The following ATG5 variants were observed in gnomAD, a reference collection of about 807,000 sequenced individuals.
ATG5 encodes autophagy protein 5.
A neutral mutation model predicts 36.5 loss-of-function variants in ATG5; 14 were observed. That is an observed-to-expected ratio of 0.38 (90% CI 0.25 to 0.60). ATG5 has a LOEUF of 0.60. Ranked by LOEUF, ATG5 falls within the 20% of genes least tolerant of loss-of-function variation. ATG5 has a pLI of 0.60. For synonymous variants in ATG5, 95 were observed against 101.5 expected, an observed-to-expected ratio of 0.94 and a Z score of 0.38; for missense variants, 195 against 326.7, an observed-to-expected ratio of 0.60 and a Z score of 3.11.
chr6:106,276,937 G>A lies in ATG5; in HGVS notation c.478+2724C>T, dbSNP rs531912241. 7.4e-4 allele frequency among the ~76,000 whole-genome samples: 112 copies of A among 152,212 alleles called. 1 individual carries two copies. The highest frequency in any genetic ancestry group is 7.1e-3 in the Admixed American group (109 of 15,286). On this transcript the variant is annotated intron_variant, in intron 5 of 7. Coordinates refer to ENST00000369076, the MANE Select transcript of ATG5 (RefSeq NM_004849.4). ...GAACTCAGTAATAAAAATGTGGTAC[G>A]GGGCCTAGTGCTTAACTTTGCAAAG...
At chr6:106,276,838 T>C (rs1488501524) in intron 5 of ATG5, among the ~76,000 whole-genome samples, 1 of 152,218 alleles carries the variant, frequency 6.6e-6, no homozygotes, top group Non-Finnish European at 1.5e-5. Flanking sequence ...AATCTTCAAA[T>C]CACCAGCAAG....
chr6:106,264,974 C>T (rs1333841847), intron 5 of ATG5, among the ~76,000 whole-genome samples: 1 of 152,020 alleles, frequency 6.6e-6, no homozygotes, highest in Non-Finnish European at 1.5e-5. Flanking sequence ...ATGGCAGGAT[C>T]AAATTCACAC....
intron 5 of ATG5, among the ~76,000 whole-genome samples, chr6:106,250,609 T>G (rs1420764155): frequency 2.6e-5 from 4 of 152,216 alleles, no homozygotes; most frequent in African/African-American, 9.6e-5. Context: ...AAAAAGTGTC[T>G]TTCTACCATC....
At chr6:106,207,066 A>G (rs1776663005) in intron 6 of ATG5, among the ~76,000 whole-genome samples, 1 of 152,234 alleles carries the variant, frequency 6.6e-6, no homozygotes, top group Non-Finnish European at 1.5e-5. Flanking sequence ...GTATTTCAAT[A>G]ACTTCCAAGA....
chr6:106,194,431 T>C (rs1003336728), intron 7 of ATG5, among the ~76,000 whole-genome samples: 11 of 152,198 alleles, frequency 7.2e-5, no homozygotes, highest in African/African-American at 2.4e-4. Flanking sequence ...AACTGCTTCA[T>C]GTCTGAAAAA....
In ATG5 at chr6:106,259,611, G is replaced by T. The variant is rs560040773; in HGVS notation, c.479-11367C>A. 4.3e-3 allele frequency among the ~76,000 whole-genome samples: 650 copies of T among 152,076 alleles called. 7 individuals are homozygous for T. Among genetic ancestry groups the T allele is most frequent in the Admixed American group, 8.3e-3 (127 of 15,274 alleles). ...TTCCTATATTTCCCTTCATCACCTT[G>T]TCTCTTCTGCTCCTTTCTTACATTC... is the stretch of plus-strand genomic sequence containing the variant. On this transcript the variant is annotated intron_variant, in intron 5 of 7. Coordinates refer to ENST00000369076, the MANE Select transcript of ATG5 (RefSeq NM_004849.4).
intron 1 of ATG5, among the ~76,000 whole-genome samples, chr6:106,322,152 G>A (rs1451266093): frequency 6.6e-6 from 1 of 152,060 alleles, no homozygotes; most frequent in Non-Finnish European, 1.5e-5. Flanking sequence ...TTGAGGGCAG[G>A]GGCTATTATT....
intron 5 of ATG5, among the ~76,000 whole-genome samples, chr6:106,274,351 C>T (rs941470833): frequency 6.6e-6 from 1 of 151,828 alleles, no homozygotes; most frequent in Non-Finnish European, 1.5e-5. Flanking sequence ...ATAAAAAAAA[C>T]ACTGAAAGGC....
chr6:106,254,359 G>C (rs1769981), intron 5 of ATG5, among the ~76,000 whole-genome samples: 3 of 152,052 alleles, frequency 2.0e-5, no homozygotes, highest in African/African-American at 7.3e-5. Flanking sequence ...CAACCAAAAT[G>C]TAAGTCCCAT....
At chr6:106,237,052 T>C (rs865889933) in intron 6 of ATG5, among the ~76,000 whole-genome samples, 5 of 152,188 alleles carry the variant, frequency 3.3e-5, no homozygotes, top group Non-Finnish European at 7.4e-5. Flanking sequence ...TATTAACATA[T>C]CTTTATGTTC....
chr6:106,290,848 G>A (rs547738), intron 4 of ATG5, among the ~76,000 whole-genome samples: 92,007 of 151,966 alleles, frequency 0.61, 29,266 homozygotes, highest in African/African-American at 0.81. Context: ...AATAACCACC[G>A]ATCTCATCAG....
chr6:106,256,446 C>T (rs766087726), intron 5 of ATG5, among the ~76,000 whole-genome samples: 1 of 152,172 alleles, frequency 6.6e-6, no homozygotes, highest in Non-Finnish European at 1.5e-5. Flanking sequence ...CTTTTGAAAG[C>T]TCCCCAGATG....
rs148655072 is a variant in ATG5 at position 106,284,327 on chromosome 6, C to CT, written c.316-4505dup. 2.9e-3 allele frequency among the ~76,000 whole-genome samples: 444 copies of CT among 152,144 alleles called. 2 individuals are homozygous for CT. The highest frequency in any genetic ancestry group is 1.0e-2 in the African/African-American group (415 of 41,512). The stretch of plus-strand genomic sequence containing the variant: ...GTGAAGGGTCTAATTAACCTATACC[C>CT]TCTCCATCATGTGTTACTGTTTTCT... On this transcript the variant is annotated intron_variant, in intron 4 of 7. Transcript: ENST00000369076.
intron 6 of ATG5, among the ~76,000 whole-genome samples, chr6:106,226,663 T>TA (rs1777463327): frequency 6.6e-6 from 1 of 152,218 alleles, no homozygotes; most frequent in South Asian, 2.1e-4. Context: ...AACAGAATCA[T>TA]AGAGTATATT....
chr6:106,213,778 GA>G (rs1027385023), intron 6 of ATG5, among the ~76,000 whole-genome samples: 38 of 152,212 alleles, frequency 2.5e-4, no homozygotes, highest in African/African-American at 9.1e-4. Flanking sequence ...TTCTGAATCT[GA>G]AAAATGAGGA....
chr6:106,320,975 G>A (rs1206520107), intron 1 of ATG5, among the ~76,000 whole-genome samples: 1 of 152,180 alleles, frequency 6.6e-6, no homozygotes, highest in African/African-American at 2.4e-5. Flanking sequence ...GTGAGAAACA[G>A]ATGAGTCTTT....
At chr6:106,189,802 A>C (rs544028628) in intron 7 of ATG5, among the ~76,000 whole-genome samples, 2 of 152,178 alleles carry the variant, frequency 1.3e-5, no homozygotes, top group Non-Finnish European at 2.9e-5. Flanking sequence ...CACTACAAAG[A>C]AAATGACTCA....
At chr6:106,312,299 GTTC>G (rs916750554) in intron 2 of ATG5, among the ~76,000 whole-genome samples, 3 of 152,172 alleles carry the variant, frequency 2.0e-5, no homozygotes, top group East Asian at 1.9e-4. Flanking sequence ...AGTAAGAGTA[GTTC>G]TTCTTGCCAA....
intron 4 of ATG5, among the ~76,000 whole-genome samples, chr6:106,288,399 G>A (rs571992104): frequency 6.6e-6 from 1 of 152,220 alleles, no homozygotes; most frequent in Admixed American, 6.5e-5. Flanking sequence ...AATGAGAAAA[G>A]CTTGAAGAAG....
Sources: allele counts gnomAD v4.1 joint callset (sites outside exome capture counted in the v4.1 genomes callset), GRCh38; gene constraint gnomAD v4.1.1; transcripts MANE v1.5; gene names NCBI Gene and HGNC (gene_info 2026-07-23, HGNC 2026-07-21).